The following RNF182 variants were observed in gnomAD, a reference collection of about 807,000 sequenced individuals.
The protein encoded by RNF182 is ring finger protein 182, also known as E3 ubiquitin-protein ligase RNF182.
A neutral mutation model predicts 14.4 loss-of-function variants in RNF182; 15 were observed. The observed-to-expected ratio is 1.04, with a 90% CI of 0.70 to 1.60. The LOEUF (loss-of-function observed/expected upper bound fraction) is 1.60, where lower values mean the gene tolerates loss of function less well. Among genes scored for constraint, RNF182 ranks in the 40% most tolerant of loss-of-function variants. The pLI is 0.00. For missense variants in RNF182, 268 were observed against 294.8 expected (o/e 0.91, Z 0.67); for synonymous variants, 128 against 122.9 (o/e 1.04, Z -0.27).
At chr6:13,927,071 A>G (rs909928023) in intron 1 of RNF182, among the ~76,000 whole-genome samples, 3 of 152,088 alleles carry the variant, frequency 2.0e-5, no homozygotes, top group African/African-American at 7.2e-5. Flanking sequence ...GAGCTGCATC[A>G]TTTTCTGCCA....
chr6:13,932,778 G>T (rs1396429433), intron 1 of RNF182, among the ~76,000 whole-genome samples: 1 of 152,152 alleles, frequency 6.6e-6, no homozygotes, highest in South Asian at 2.1e-4. Context: ...TGACAATTGT[G>T]TACAGGCTGT....
chr6:13,964,797 C>T (rs1759975892), intron 1 of RNF182, among the ~76,000 whole-genome samples: 1 of 152,150 alleles, frequency 6.6e-6, no homozygotes, highest in African/African-American at 2.4e-5. Context: ...CACCCTCACC[C>T]CATAGTGTGT....
intron 1 of RNF182, among the ~76,000 whole-genome samples, chr6:13,970,289 TTCTC>T (rs1760143026): frequency 6.6e-6 from 1 of 152,202 alleles, no homozygotes; most frequent in African/African-American, 2.4e-5. Flanking sequence ...CCTCTCTTCT[TTCTC>T]CCTCTCCCAC....
intron 1 of RNF182, among the ~76,000 whole-genome samples, chr6:13,966,827 C>T (rs868499569): frequency 2.8e-4 from 30 of 108,452 alleles, no homozygotes; most frequent in South Asian, 6.6e-4. Context: ...TGTGTGTGCG[C>T]GTGCGTGTGT....
intron 1 of RNF182, chr6:13,949,064 A>C: frequency 1.5e-6 from 1 of 676,116 alleles, no homozygotes; most frequent in Non-Finnish European, 2.7e-6. Context: ...CAAACCTTTT[A>C]TAACCCTTTA....
intron 1 of RNF182, among the ~76,000 whole-genome samples, chr6:13,938,444 T>G (rs2113592435): frequency 6.6e-6 from 1 of 152,250 alleles, no homozygotes; most frequent in South Asian, 2.1e-4. Flanking sequence ...CAATGAGAAG[T>G]GTTTAATTTT....
chr6:13,960,854 A>G (rs925884285), intron 1 of RNF182, among the ~76,000 whole-genome samples: 1 of 152,214 alleles, frequency 6.6e-6, no homozygotes, highest in Non-Finnish European at 1.5e-5. Context: ...GAGTTTTATT[A>G]AACTTTGGCC....
chr6:13,949,621 G>T, intron 1 of RNF182: 1 of 374,982 alleles, frequency 2.7e-6, no homozygotes, highest in South Asian at 3.1e-5. Flanking sequence ...ATATGACGAT[G>T]ATTCTTATCA....
chr6:13,925,100 C>G lies in RNF182; in HGVS notation c.-367+77C>G, dbSNP rs1338472093. ...CCCCAACGCTGGGGCAGCAGCCAGC[C>G]CCGCAGTCCTGGACGGCGCCGGGCC... On this transcript the variant is annotated intron_variant, in intron 1 of 2. Transcript: ENST00000488300. 37 of 35,322 alleles carry G rather than the reference C, an allele frequency of 1.0e-3. No individual in the cohort carries two copies. The Admixed American group carries it at 0.011, about 11-fold the overall frequency. 2.2% of individuals were successfully genotyped at this position (35,322 alleles called of 1,614,324 possible).
At chr6:13,968,129 CAG>C (rs61395620) in intron 1 of RNF182, among the ~76,000 whole-genome samples, 292 of 152,016 alleles carry the variant, frequency 1.9e-3, no homozygotes, top group African/African-American at 6.5e-3. Flanking sequence ...TTAAAAGTAA[CAG>C]AAAGGATAAA....
chr6:13,958,024 C>A (rs2113624780), intron 1 of RNF182, among the ~76,000 whole-genome samples: 1 of 151,738 alleles, frequency 6.6e-6, no homozygotes, highest in East Asian at 1.9e-4. Context: ...GTATTGAGAG[C>A]TTCCTAGATG....
At chr6:13,931,610 A>G (rs927513716) in intron 1 of RNF182, among the ~76,000 whole-genome samples, 18 of 151,822 alleles carry the variant, frequency 1.2e-4, no homozygotes, top group African/African-American at 4.1e-4. Context: ...ACCCACTTTT[A>G]TGATCATCTA....
intron 1 of RNF182, among the ~76,000 whole-genome samples, chr6:13,958,293 G>C (rs1471198469): frequency 6.6e-6 from 1 of 152,024 alleles, no homozygotes; most frequent in Non-Finnish European, 1.5e-5. Context: ...GGCTGAAGCA[G>C]GAGAATCGCC....
intron 1 of RNF182, among the ~76,000 whole-genome samples, chr6:13,938,015 T>TG (rs1413102884): frequency 1.2e-4 from 17 of 142,310 alleles, no homozygotes; most frequent in East Asian, 2.0e-4. Flanking sequence ...TTTTTTTTTT[T>TG]TTTTTTTTTT....
chr6:13,972,794 T>C (rs1313515329), intron 1 of RNF182, among the ~76,000 whole-genome samples: 2 of 152,154 alleles, frequency 1.3e-5, no homozygotes, highest in Non-Finnish European at 2.9e-5. Flanking sequence ...AGAAGTTTGC[T>C]GCAGGGGTGG....
chr6:13,951,202 A>G (rs1304603944), intron 1 of RNF182, among the ~76,000 whole-genome samples: 1 of 152,180 alleles, frequency 6.6e-6, no homozygotes, highest in Non-Finnish European at 1.5e-5. Context: ...TAATAGTTAT[A>G]ATATTTTTTA....
chr6:13,977,917 T>TA lies in RNF182; in HGVS notation c.*55dup. 1 of 1,478,038 alleles carries TA rather than the reference T, an allele frequency of 6.8e-7. No individual in the cohort carries two copies. The highest frequency in any genetic ancestry group is 2.3e-5 in the East Asian group (1 of 43,794). 91.6% of individuals were successfully genotyped at this position (1,478,038 alleles called of 1,614,324 possible). On this transcript the variant is annotated 3_prime_UTR_variant, in exon 3 of 3. Coordinates refer to ENST00000488300, the MANE Select transcript of RNF182 (RefSeq NM_152737.4). ...ACATTGCCCTGTTTGAGTGTGAAGTTAGATAATTTATAATTTATTTTCTTT... is the reference window on the plus strand; with the variant it reads ...ACATTGCCCTGTTTGAGTGTGAAGTTAAGATAATTTATAATTTATTTTCTTT...
rs533117692 is a variant in RNF182 at position 13,927,348 on chromosome 6, T to C, written c.-367+2325T>C. ...GTTTTCTGTCCATGGTTTAGCCACCTGGTGGAAGCAGGCAACAGCATTGCA... is the reference window on the plus strand; with the variant it reads ...GTTTTCTGTCCATGGTTTAGCCACCCGGTGGAAGCAGGCAACAGCATTGCA... On this transcript the variant is annotated intron_variant, in intron 1 of 2. Transcript: ENST00000488300. Among the ~76,000 whole-genome samples the C allele has an allele frequency of 1.1e-4, 17 of 152,348 alleles. No homozygotes were observed. In the South Asian group the frequency reaches 3.1e-3, roughly 28 times the overall value.
At chr6:13,950,020 C>A (rs1414175758) in intron 1 of RNF182, among the ~76,000 whole-genome samples, 3 of 152,178 alleles carry the variant, frequency 2.0e-5, no homozygotes, top group Non-Finnish European at 4.4e-5. Flanking sequence ...TTCTATCTAA[C>A]TTAAAATAAT....
Sources: allele counts gnomAD v4.1 joint callset (sites outside exome capture counted in the v4.1 genomes callset), GRCh38; gene constraint gnomAD v4.1.1; transcripts MANE v1.5; gene names NCBI Gene and HGNC (gene_info 2026-07-23, HGNC 2026-07-21).